ABCB4: variants seen among roughly 807,000 people sequenced by gnomAD.
ABCB4 encodes the protein ATP binding cassette subfamily B member 4, also known as phosphatidylcholine translocator ABCB4.
Under a neutral mutation model 145.7 loss-of-function variants are expected in ABCB4, and 76 were observed. That is an observed-to-expected ratio of 0.52 (90% CI 0.43 to 0.63). ABCB4 has a LOEUF of 0.63. Among genes scored for constraint, ABCB4 ranks in the 30% least tolerant of loss-of-function variants. ABCB4 has a pLI of 0.00. For missense variants in ABCB4, 1,234 were observed against 1,553.1 expected, an observed-to-expected ratio of 0.79 and a Z score of 3.45; for synonymous variants, 517 against 566.8, an observed-to-expected ratio of 0.91 and a Z score of 1.25.
the ABCB4 span, among the ~76,000 whole-genome samples, chr7:87,387,709 T>C: frequency 6.6e-6 from 1 of 152,170 alleles, no homozygotes; most frequent in Non-Finnish European, 1.5e-5. Flanking sequence ...CCCAGCACTT[T>C]GGGAGGCTGA....
chr7:87,402,193 C>T lies in ABCB4; in HGVS notation c.3743G>A (p.Gly1248Glu). 1 of 1,614,088 alleles carries T rather than the reference C, an allele frequency of 6.2e-7. No homozygotes were observed. Among genetic ancestry groups the T allele is most frequent in the Non-Finnish European group, 8.5e-7 (1 of 1,180,006 alleles). Residue 1248 changes from glycine (G) to glutamate (E), a missense_variant, in exon 28 of 28, where the codon GGG becomes GAG. Transcript: ENST00000649586. Reference sequence around the variant, plus strand: ...ATGCGTGCCATGCTCCTTGACTCTCCCATTCTGAAACACCACTATTAAGTC... The same window carrying T: ...ATGCGTGCCATGCTCCTTGACTCTCTCATTCTGAAACACCACTATTAAGTC... The part of the protein sequence containing the change: ...NADLIVVFQN[G>E]RVKEHGTHQQ...
the ABCB4 span, among the ~76,000 whole-genome samples, chr7:87,383,497 CTTT>C: frequency 3.2e-4 from 42 of 130,428 alleles, no homozygotes; most frequent in Non-Finnish European, 4.4e-4. Flanking sequence ...ATGTATATCA[CTTT>C]TTTTTTTTTT....
At chr7:87,385,076 G>A in the ABCB4 span, among the ~76,000 whole-genome samples, 15 of 150,848 alleles carry the variant, frequency 9.9e-5, no homozygotes, top group African/African-American at 3.6e-4. Flanking sequence ...CCAGTAACAT[G>A]CTGTTTTGGT....
chr7:87,470,205 T>C (rs1396322765), intron 3 of ABCB4, among the ~76,000 whole-genome samples: 5 of 152,216 alleles, frequency 3.3e-5, no homozygotes, highest in Non-Finnish European at 4.4e-5. Context: ...TTACACCTTA[T>C]ACAAACATTA....
At chr7:87,402,970 C>A (rs1444208545) in intron 27 of ABCB4, among the ~76,000 whole-genome samples, 165 bp downstream of exon 27, 1 of 152,142 alleles carries the variant, frequency 6.6e-6, no homozygotes, top group Non-Finnish European at 1.5e-5. Context: ...TGCACTACAG[C>A]CTAGGCAACA....
At chr7:87,386,050 T>C in the ABCB4 span, among the ~76,000 whole-genome samples, 1 of 152,236 alleles carries the variant, frequency 6.6e-6, no homozygotes, top group African/African-American at 2.4e-5. Flanking sequence ...TTTAATGTGC[T>C]GTTGAGTTCA....
chr7:87,393,253 T>G, the ABCB4 span, among the ~76,000 whole-genome samples: 1 of 152,206 alleles, frequency 6.6e-6, no homozygotes, highest in Non-Finnish European at 1.5e-5. Flanking sequence ...TTTGAGACAC[T>G]TGTCAGATTA....
intron 18 of ABCB4, among the ~76,000 whole-genome samples, chr7:87,421,183 C>T (rs1809390175): frequency 6.6e-6 from 1 of 152,190 alleles, no homozygotes; most frequent in Non-Finnish European, 1.5e-5. Flanking sequence ...TCTCCAGCCA[C>T]AGTGTGAGTG....
chr7:87,443,322 G>A lies in ABCB4; in HGVS notation c.1353C>T (p.Gly451=). 1 of 1,613,954 alleles carries A rather than the reference G, an allele frequency of 6.2e-7. No homozygotes were observed. The highest frequency in any genetic ancestry group is 2.2e-5 in the East Asian group (1 of 44,860). Residue 451 remains glycine (G), a synonymous_variant, in exon 12 of 28, where the codon GGC becomes GGT. Transcript: ENST00000649586. ...LIQRLYDPDE[G]TINIDGQDIR... is the part of the protein sequence containing the mutation. ...AAGCTTGGTTCTTCCCACTTACTGT[G>A]CCCTCATCAGGGTCATAGAGCCTCT...
chr7:87,374,299 T>C, the ABCB4 span, among the ~76,000 whole-genome samples: 60 of 152,206 alleles, frequency 3.9e-4, no homozygotes, highest in African/African-American at 1.4e-3. Flanking sequence ...GACCTTTTAT[T>C]ATCAAACTTA....
chr7:87,368,293 C>G, the ABCB4 span, among the ~76,000 whole-genome samples: 2 of 152,266 alleles, frequency 1.3e-5, no homozygotes, highest in Non-Finnish European at 2.9e-5. Flanking sequence ...CCTTTCCAAC[C>G]ATTTATTGAT....
At chr7:87,439,579 GTT>G in intron 14 of ABCB4, 86 bp downstream of exon 14, 1 of 1,478,842 alleles carries the variant, frequency 6.8e-7, no homozygotes, top group South Asian at 1.1e-5. Context: ...CTATGTTTCT[GTT>G]TCTCAGCCCA....
In ABCB4 at chr7:87,408,083, A is replaced by G. The variant is rs1189614445; in HGVS notation, c.3233T>C (p.Val1078Ala). The G allele has an allele frequency of 6.2e-7, 1 of 1,614,190 alleles. No individual in the cohort carries two copies. Among genetic ancestry groups the G allele is most frequent in the Non-Finnish European group, 8.5e-7 (1 of 1,180,034 alleles). The part of the protein sequence containing the change: ...VGSSGCGKST[V>A]VQLLERFYDP... ...GTAGAACCGCTCCAGGAGCTGGACC[A>G]CCGTGCTCTTCCCACAGCCACTGCT... Residue 1078 changes from valine (V) to alanine (A), a missense_variant, in exon 25 of 28, where the codon GTG (valine) becomes GCG (alanine). Coordinates refer to ENST00000649586, the MANE Select transcript of ABCB4 (RefSeq NM_000443.4).
chr7:87,403,352 A>G (rs1807945088), intron 26 of ABCB4, 71 bp from the exon 27 acceptor site: 3 of 1,412,602 alleles, frequency 2.1e-6, no homozygotes, highest in South Asian at 2.3e-5. Flanking sequence ...TATTTACAAG[A>G]AAAACATTTA....
intron 8 of ABCB4, among the ~76,000 whole-genome samples, chr7:87,449,157 A>G (rs1202963722): frequency 6.6e-6 from 1 of 152,086 alleles, no homozygotes; most frequent in East Asian, 1.9e-4. Context: ...ATACTGGTCA[A>G]TTTTCCAGGC....
At chr7:87,471,596 A>T (rs1813404232) in intron 3 of ABCB4, among the ~76,000 whole-genome samples, 1 of 152,186 alleles carries the variant, frequency 6.6e-6, no homozygotes, top group Non-Finnish European at 1.5e-5. Context: ...GTGTCTTTTT[A>T]TCCATTTAAT....
chr7:87,425,096 T>G (rs995892023), intron 16 of ABCB4, among the ~76,000 whole-genome samples: 1 of 152,106 alleles, frequency 6.6e-6, no homozygotes, highest in Non-Finnish European at 1.5e-5. Flanking sequence ...TCCAGCATAA[T>G]GAATGAATCT....
At chr7:87,371,993 C>CAAAAAAAAAAA in the ABCB4 span, among the ~76,000 whole-genome samples, 1 of 59,744 alleles carries the variant, frequency 1.7e-5, no homozygotes, top group Admixed American at 1.8e-4. Context: ...GACGCTGTCT[C>CAAAAAAAAAAA]AAAAAAAAAA....
Position 87,450,105 on chromosome 7 carries a change from G to T in ABCB4, c.709-13C>A. ...ATGCCGAGAGTATCTGGACAGAAAAGAAACAGTGATCACTTTTGTATAGGG... is the reference window on the plus strand; with the variant it reads ...ATGCCGAGAGTATCTGGACAGAAAATAAACAGTGATCACTTTTGTATAGGG... On this transcript the variant is annotated splice_polypyrimidine_tract_variant and intron_variant, in intron 7 of 27. Coordinates refer to ENST00000649586, the MANE Select transcript of ABCB4 (RefSeq NM_000443.4). 6.2e-7 allele frequency: 1 copy of T among 1,613,728 alleles called. No individual in the cohort carries two copies. The highest frequency in any genetic ancestry group is 8.5e-7 in the Non-Finnish European group (1 of 1,179,924).
Sources: gnomAD v4.1 joint callset for allele counts (sites outside exome capture counted in the v4.1 genomes callset) on GRCh38, gnomAD v4.1.1 for gene constraint, MANE v1.5 for transcripts, NCBI Gene and HGNC (gene_info 2026-07-23, HGNC 2026-07-21) for gene names.